Variants in SPATS2 observed in about 807,000 individuals in gnomAD.
The protein encoded by SPATS2 is spermatogenesis associated serine rich 2.
In SPATS2, 38 loss-of-function variants were observed where a neutral mutation model predicts 63.7. The ratio of observed to expected loss-of-function variants is 0.60; its 90% CI spans 0.46 to 0.78. SPATS2 has a LOEUF of 0.78. SPATS2 is among the 30% of genes least tolerant of loss of function. The pLI is 0.00. For missense variants in SPATS2, 588 were observed against 666.2 expected (o/e 0.88, Z 1.29); for synonymous variants, 207 against 232.9 (o/e 0.89, Z 1.01).
intron 2 of SPATS2, among the ~76,000 whole-genome samples, chr12:49,383,158 C>T (rs929968787): frequency 6.6e-6 from 1 of 151,886 alleles, no homozygotes; most frequent in South Asian, 2.1e-4. Flanking sequence ...GCTGGGATTA[C>T]AGGCGCACAC....
chr12:49,423,851 G>A (rs1472223579), intron 2 of SPATS2, among the ~76,000 whole-genome samples: 2 of 151,976 alleles, frequency 1.3e-5, no homozygotes, highest in South Asian at 2.1e-4. Flanking sequence ...ATTATGTTAC[G>A]GAGAAAAGTT....
chr12:49,498,386 T>C (rs1171885251), intron 8 of SPATS2, among the ~76,000 whole-genome samples: 3 of 151,962 alleles, frequency 2.0e-5, no homozygotes, highest in African/African-American at 7.3e-5. Flanking sequence ...ATGTGTTGAG[T>C]AGGTAAATGC....
intron 2 of SPATS2, among the ~76,000 whole-genome samples, chr12:49,407,007 C>G (rs1266187918): frequency 6.6e-6 from 1 of 152,214 alleles, no homozygotes; most frequent in Non-Finnish European, 1.5e-5. Context: ...TCATATGTGT[C>G]TCCACGCCTC....
intron 2 of SPATS2, among the ~76,000 whole-genome samples, chr12:49,413,401 T>C (rs952682014): frequency 4.6e-5 from 7 of 151,978 alleles, no homozygotes. Flanking sequence ...ATTTTTTTTT[T>C]CCCCGTAGAG....
At chr12:49,516,250 G>C (rs1946849332) in intron 10 of SPATS2, among the ~76,000 whole-genome samples, 1 of 134,908 alleles carries the variant, frequency 7.4e-6, no homozygotes, top group South Asian at 2.5e-4. Flanking sequence ...GTCCTAGTTA[G>C]TTGAGAGGCT....
At chr12:49,433,386 C>G (rs138072455) in intron 2 of SPATS2, among the ~76,000 whole-genome samples, 3,375 of 152,330 alleles carry the variant, frequency 0.022, 121 homozygotes, top group African/African-American at 0.077. Flanking sequence ...TGGTCTCGAA[C>G]TCCTGACCTC....
intron 2 of SPATS2, among the ~76,000 whole-genome samples, chr12:49,396,545 T>G (rs892132126): frequency 2.6e-5 from 4 of 152,226 alleles, no homozygotes; most frequent in Non-Finnish European, 1.5e-5. Context: ...ATTTCATTCT[T>G]TAGTTCTGAA....
At chr12:49,521,775 C>T (rs1413738469) in intron 11 of SPATS2, among the ~76,000 whole-genome samples, 1 of 152,168 alleles carries the variant, frequency 6.6e-6, no homozygotes, top group Non-Finnish European at 1.5e-5. Context: ...ACTGATATTA[C>T]ATGTCTGAAG....
intron 6 of SPATS2, among the ~76,000 whole-genome samples, chr12:49,493,870 T>C (rs1207956782): frequency 6.6e-6 from 1 of 152,272 alleles, no homozygotes. Flanking sequence ...TCATGTAATA[T>C]ATCTTGGAGC....
chr12:49,375,841 C>T (rs547374548), intron 2 of SPATS2, among the ~76,000 whole-genome samples: 139 of 152,218 alleles, frequency 9.1e-4, no homozygotes, highest in Non-Finnish European at 1.8e-3. Flanking sequence ...CAGGGTCTTG[C>T]TCTGTCTCCT....
intron 2 of SPATS2, among the ~76,000 whole-genome samples, chr12:49,435,651 T>C (rs1438406182): frequency 1.0e-5 from 1 of 100,194 alleles, no homozygotes; most frequent in Non-Finnish European, 1.9e-5. Flanking sequence ...TTTTTTTTTT[T>C]TTTTTTTTTT....
intron 8 of SPATS2, among the ~76,000 whole-genome samples, chr12:49,498,149 T>A (rs866941860): frequency 9.3e-4 from 117 of 125,970 alleles, no homozygotes; most frequent in African/African-American, 3.1e-3. Context: ...AAAAAAAATA[T>A]ATATATATAT....
intron 2 of SPATS2, among the ~76,000 whole-genome samples, chr12:49,380,184 T>G (rs984879892): frequency 4.7e-5 from 7 of 150,518 alleles, no homozygotes; most frequent in Non-Finnish European, 8.9e-5. Context: ...TTTTTTTTTT[T>G]GAGACAAAAT....
Position 49,421,433 on chromosome 12 carries a change from A to C in SPATS2, c.-243-39337A>C, listed in dbSNP as rs186677738. Reference sequence around the variant, plus strand: ...CTTTGTCTCAAAAAAAAAAAAAAAAAAAAAAAAAAACAACCTTTGCACTGC... The same window carrying C: ...CTTTGTCTCAAAAAAAAAAAAAAAACAAAAAAAAAACAACCTTTGCACTGC... On this transcript the variant is annotated intron_variant, in intron 2 of 13. Transcript: ENST00000552918. Among the ~76,000 whole-genome samples, 909 of 150,830 alleles carry C rather than the reference A, an allele frequency of 6.0e-3. 7 individuals carry two copies. The highest frequency in any genetic ancestry group is 9.2e-3 in the Admixed American group (139 of 15,102).
At chr12:49,516,206 T>C (rs1166712100) in intron 10 of SPATS2, among the ~76,000 whole-genome samples, 5 of 75,126 alleles carry the variant, frequency 6.7e-5, no homozygotes, top group African/African-American at 2.7e-4. Flanking sequence ...TATATATATA[T>C]ATAAATCAGG....
Position 49,525,961 on chromosome 12 carries a change from A to G in SPATS2, c.1344A>G (p.Arg448=). 1 of 1,614,078 alleles carries G rather than the reference A, an allele frequency of 6.2e-7. No homozygotes were observed. Among genetic ancestry groups the G allele is most frequent in the Non-Finnish European group, 8.5e-7 (1 of 1,179,932 alleles). Residue 448 remains arginine (R), a synonymous_variant, in exon 14 of 14, where the codon AGA becomes AGG. Transcript: ENST00000552918. ...QPLREVLPGN[R]RGGQGYRPQG... ...ATCTTTAGGTATTGCCAGGGAACAG[A>G]CGAGGAGGACAGGGCTATAGGCCAC...
At chr12:49,443,106 TC>T (rs1945451357) in intron 2 of SPATS2, among the ~76,000 whole-genome samples, 1 of 152,214 alleles carries the variant, frequency 6.6e-6, no homozygotes, top group Admixed American at 6.5e-5. Context: ...CGAATAATAT[TC>T]CATTGTATGT....
intron 2 of SPATS2, among the ~76,000 whole-genome samples, chr12:49,392,823 G>A (rs1351311383): frequency 1.3e-5 from 2 of 151,788 alleles, no homozygotes; most frequent in Non-Finnish European, 2.9e-5. Context: ...AAGCTGAGTT[G>A]GGTGGATCAC....
chr12:49,402,409 G>A (rs1944621283), intron 2 of SPATS2, among the ~76,000 whole-genome samples: 1 of 152,170 alleles, frequency 6.6e-6, no homozygotes. Flanking sequence ...TAGAGTTAGG[G>A]TGCTAGATGG....
Sources: gnomAD v4.1 joint callset for allele counts (sites outside exome capture counted in the v4.1 genomes callset) on GRCh38, gnomAD v4.1.1 for gene constraint, MANE v1.5 for transcripts, NCBI Gene and HGNC (gene_info 2026-07-23, HGNC 2026-07-21) for gene names.